Variants in ZNF33A observed in about 807,000 individuals in gnomAD.
ZNF33A encodes brain my041 protein.
ZNF33A carries 9 observed loss-of-function variants against 15.9 expected under a neutral mutation model. The observed-to-expected ratio is 0.57, with a 90% CI of 0.34 to 0.99. The LOEUF (loss-of-function observed/expected upper bound fraction) is 0.99. Ranked by LOEUF, ZNF33A falls within the 50% of genes least tolerant of loss-of-function variation. The pLI, the probability that ZNF33A is intolerant of heterozygous loss-of-function variation, is 0.02. For missense variants in ZNF33A, 843 were observed against 941.6 expected (o/e 0.90, Z 1.37); for synonymous variants, 294 against 324.2 (o/e 0.91, Z 1.00).
At chr10:38,036,969 A>T (rs1258373532) in intron 4 of ZNF33A, among the ~76,000 whole-genome samples, 1 of 152,134 alleles carries the variant, frequency 6.6e-6, no homozygotes, top group Non-Finnish European at 1.5e-5. Flanking sequence ...AGTTTTTTCC[A>T]TATTCTGTTT....
At chr10:38,039,822 G>T (rs2065616240) in intron 4 of ZNF33A, among the ~76,000 whole-genome samples, 1 of 150,254 alleles carries the variant, frequency 6.7e-6, no homozygotes, top group Non-Finnish European at 1.5e-5. Flanking sequence ...ATATTTTGTT[G>T]ATCTTTTCCA....
intron 4 of ZNF33A, among the ~76,000 whole-genome samples, chr10:38,022,431 T>C (rs532808026): frequency 2.6e-5 from 4 of 151,922 alleles, no homozygotes; most frequent in African/African-American, 9.6e-5. Flanking sequence ...CCAAGGTGGG[T>C]GTATCACCTG....
Position 38,056,182 on chromosome 10 carries a change from G to A in ZNF33A, c.2058G>A (p.Lys686=), listed in dbSNP as rs1399829553. The A allele has an allele frequency of 6.2e-7, 1 of 1,613,424 alleles. No individual in the cohort carries two copies. Among genetic ancestry groups the A allele is most frequent in the South Asian group, 1.1e-5 (1 of 91,024 alleles). The change falls in exon 5 of 5, where the codon AAG becomes AAA. Residue 686 remains lysine (K), a synonymous_variant. Transcript: ENST00000432900. ...VKSGLIFHER[K]HTGEKPYECN... ...CAGGACTTATTTTCCATGAGAGAAAGCACACGGGGGAGAAACCCTATGAAT... is the reference window on the plus strand; with the variant it reads ...CAGGACTTATTTTCCATGAGAGAAAACACACGGGGGAGAAACCCTATGAAT...
rs1298700946 is a variant in ZNF33A at position 38,056,424 on chromosome 10, A to G, written c.2300A>G (p.His767Arg). 1.2e-6 allele frequency: 2 copies of G among 1,614,034 alleles called. No individual in the cohort carries two copies. The highest frequency in any genetic ancestry group is 2.7e-5 in the African/African-American group (2 of 74,948). Residue 767 changes from histidine (H) to arginine (R), a missense_variant, in exon 5 of 5, where the codon CAT becomes CGT. Coordinates refer to ENST00000432900, the MANE Select transcript of ZNF33A (RefSeq NM_006954.2). ...TFSQKSNLIV[H>R]QRRHIGENLM... Reference sequence around the variant, plus strand: ...TCTCAAAAGTCAAATCTCATTGTACATCAGAGAAGACATATAGGAGAAAAC... The same window carrying G: ...TCTCAAAAGTCAAATCTCATTGTACGTCAGAGAAGACATATAGGAGAAAAC...
intron 2 of ZNF33A, among the ~76,000 whole-genome samples, chr10:38,012,910 T>G (rs1416848977): frequency 1.3e-5 from 2 of 152,122 alleles, no homozygotes; most frequent in Non-Finnish European, 2.9e-5. Flanking sequence ...ACAGACTGAC[T>G]CCTCTGAAGG....
intron 4 of ZNF33A, among the ~76,000 whole-genome samples, chr10:38,054,133 C>T (rs1378006987): frequency 6.6e-6 from 1 of 152,096 alleles, no homozygotes; most frequent in Admixed American, 6.6e-5. Context: ...CAAATGTGTG[C>T]CTTCAATAGT....
downstream of ZNF33A, among the ~76,000 whole-genome samples, chr10:38,062,150 G>T (rs1346885981): frequency 6.6e-6 from 1 of 152,092 alleles, no homozygotes; most frequent in Admixed American, 6.5e-5. Context: ...TGAGGGCCCA[G>T]TGTCACTCCC....
At chr10:38,029,168 C>T (rs1192602076) in intron 4 of ZNF33A, among the ~76,000 whole-genome samples, 2 of 152,202 alleles carry the variant, frequency 1.3e-5, no homozygotes, top group East Asian at 3.9e-4. Flanking sequence ...TTTTTTCCTC[C>T]AGATTAGAGT....
intron 4 of ZNF33A, among the ~76,000 whole-genome samples, chr10:38,046,402 G>T (rs1170557101): frequency 2.6e-5 from 4 of 152,194 alleles, no homozygotes; most frequent in African/African-American, 9.7e-5. Flanking sequence ...GTATTGGGTA[G>T]AGTGTTCAGA....
At chr10:38,011,117 T>A (rs1246053383) in intron 1 of ZNF33A, among the ~76,000 whole-genome samples, 1 of 152,194 alleles carries the variant, frequency 6.6e-6, no homozygotes, top group Non-Finnish European at 1.5e-5. Flanking sequence ...CCGCGGTACG[T>A]GGGCGGGGAA....
At chr10:38,037,190 G>A (rs2065490106) in intron 4 of ZNF33A, among the ~76,000 whole-genome samples, 1 of 152,106 alleles carries the variant, frequency 6.6e-6, no homozygotes, top group South Asian at 2.1e-4. Flanking sequence ...TTTTCTTTAA[G>A]TAATGGCTTT....
intron 4 of ZNF33A, among the ~76,000 whole-genome samples, chr10:38,026,834 G>A (rs550392507): frequency 5.3e-5 from 8 of 152,156 alleles, no homozygotes; most frequent in East Asian, 1.9e-4. Flanking sequence ...AGAAACTGTC[G>A]CCATTAAGCG....
downstream of ZNF33A, among the ~76,000 whole-genome samples, chr10:38,067,565 A>T (rs1395704941): frequency 2.0e-5 from 3 of 152,200 alleles, no homozygotes; most frequent in East Asian, 5.8e-4. Context: ...TTCAGTGTAT[A>T]CAGGCCTTCT....
At chr10:38,027,986 TA>T (rs1304366054) in intron 4 of ZNF33A, among the ~76,000 whole-genome samples, 3 of 152,240 alleles carry the variant, frequency 2.0e-5, no homozygotes, top group Non-Finnish European at 2.9e-5. Context: ...ATCATGATTT[TA>T]AAAAATCTAT....
chr10:38,033,488 G>A (rs1201738168), intron 4 of ZNF33A, among the ~76,000 whole-genome samples: 1 of 152,100 alleles, frequency 6.6e-6, no homozygotes, highest in Non-Finnish European at 1.5e-5. Flanking sequence ...TAGAATGCTG[G>A]TTATATGGTG....
chr10:38,037,464 C>T (rs747847683), intron 4 of ZNF33A, among the ~76,000 whole-genome samples: 4 of 151,956 alleles, frequency 2.6e-5, no homozygotes, highest in Admixed American at 1.3e-4. Context: ...GCTGGGATTA[C>T]AGGCATGCGC....
At chr10:38,011,467 C>G (rs564943604) in intron 1 of ZNF33A, among the ~76,000 whole-genome samples, 1 of 152,162 alleles carries the variant, frequency 6.6e-6, no homozygotes, top group Non-Finnish European at 1.5e-5. Flanking sequence ...TGCCTGTAAT[C>G]CCAGCTACTG....
chr10:38,026,867 G>C (rs757685557), intron 4 of ZNF33A, among the ~76,000 whole-genome samples: 1 of 152,144 alleles, frequency 6.6e-6, no homozygotes, highest in Middle Eastern at 3.4e-3. Flanking sequence ...TCCCCCTTCC[G>C]ACCAGTCTGT....
chr10:38,047,159 A>C (rs2065976514), intron 4 of ZNF33A, among the ~76,000 whole-genome samples: 1 of 113,436 alleles, frequency 8.8e-6, no homozygotes, highest in Admixed American at 1.2e-4. Flanking sequence ...AGCCTGGGTG[A>C]TGGAGTGAGA....
Sources: gnomAD v4.1 joint callset for allele counts (sites outside exome capture counted in the v4.1 genomes callset) on GRCh38, gnomAD v4.1.1 for gene constraint, MANE v1.5 for transcripts, NCBI Gene and HGNC (gene_info 2026-07-23, HGNC 2026-07-21) for gene names.